The following MICAL2 variants were observed in gnomAD, a reference collection of about 807,000 sequenced individuals.
The protein encoded by MICAL2 is [F-actin]-monooxygenase MICAL2.
Under a neutral mutation model 127.3 loss-of-function variants are expected in MICAL2, and 77 were observed. The observed-to-expected ratio is 0.60, with a 90% CI of 0.50 to 0.73. The LOEUF (loss-of-function observed/expected upper bound fraction) is 0.73, where lower values mean the gene tolerates loss of function less well. MICAL2 is among the 30% of genes least tolerant of loss of function. The probability of loss-of-function intolerance (pLI) is 0.00; values close to 1 mark genes in which losing one functional copy is unlikely to be tolerated. For synonymous variants in MICAL2, 570 were observed against 551.1 expected, an observed-to-expected ratio of 1.03 and a Z score of -0.48; for missense variants, 1,351 against 1,434.4, an observed-to-expected ratio of 0.94 and a Z score of 0.94.
At chr11:12,111,906 T>G (rs1344280115) in intron 1 of MICAL2, among the ~76,000 whole-genome samples, 3 of 152,198 alleles carry the variant, frequency 2.0e-5, no homozygotes, top group Non-Finnish European at 4.4e-5. Context: ...GGTAGTCCTG[T>G]GCAATGCCCT....
intron 3 of MICAL2, among the ~76,000 whole-genome samples, chr11:12,174,352 TCCCCAC>T (rs1050953202): frequency 1.4e-4 from 21 of 146,802 alleles, no homozygotes; most frequent in African/African-American, 4.7e-4. Flanking sequence ...TCCCCTCTCC[TCCCCAC>T]CCCCACCCCC....
Position 12,236,235 on chromosome 11 carries a change from A to G in MICAL2, c.2054A>G (p.Asn685Ser). 6.2e-7 allele frequency: 1 copy of G among 1,614,172 alleles called. No individual in the cohort carries two copies. ...MNKRRRKGFT[N>S]LDEPSNFSSR... is the part of the protein sequence containing the mutation. ...AAACGGAGACGGAAGGGCTTCACCA[A>G]CCTGGACGAGGTTTGTGTACACAGT... Residue 685 changes from asparagine (N) to serine (S), a missense_variant, in exon 16 of 28, where the codon AAC (asparagine) becomes AGC (serine). Asn to Ser is a conservative substitution (Grantham distance 46). This residue lies in a region of MICAL2 where 752 missense variants were observed against 719.4 expected (regional missense o/e 1.05). Coordinates refer to ENST00000683283, the MANE Select transcript of MICAL2 (RefSeq NM_001282663.2).
Position 12,226,233 on chromosome 11 carries a change from C to T in MICAL2, c.1751C>T (p.Ala584Val), listed in dbSNP as rs758448003. Residue 584 changes from alanine (A) to valine (V), a missense_variant, in exon 14 of 28, where the codon GCC becomes GTC. This residue lies in a region of MICAL2 where 752 missense variants were observed against 719.4 expected (regional missense o/e 1.05). Transcript: ENST00000683283. Reference protein sequence around the residue: ...VENNQLAFDVAEREFGIPPVT... With the variant: ...VENNQLAFDVVEREFGIPPVT... ...AACAACCAGCTCGCATTTGATGTGGCCGAGCGAGAGTTTGGGATCCCTCCA... is the reference window on the plus strand; with the variant it reads ...AACAACCAGCTCGCATTTGATGTGGTCGAGCGAGAGTTTGGGATCCCTCCA... 3 of 1,614,224 alleles carry T rather than the reference C, an allele frequency of 1.9e-6. No individual in the cohort carries two copies. The Admixed American group carries it at 5.0e-5, about 27-fold the overall frequency.
intron 32 of MICAL2, among the ~76,000 whole-genome samples, chr11:12,339,690 G>C (rs1019478766): frequency 6.6e-6 from 1 of 152,234 alleles, no homozygotes; most frequent in Non-Finnish European, 1.5e-5. Flanking sequence ...CTGCAGGTCT[G>C]TTGGAGTTTG....
chr11:12,226,036 C>A, intron 13 of MICAL2, 135 bp from the exon 14 acceptor site: 1 of 774,256 alleles, frequency 1.3e-6, no homozygotes, highest in Non-Finnish European at 2.2e-6. Flanking sequence ...GGGCTGGGGT[C>A]ACTATTCCTC....
At chr11:12,353,465 C>G (rs1170470074) in intron 33 of MICAL2, among the ~76,000 whole-genome samples, 1 of 151,690 alleles carries the variant, frequency 6.6e-6, no homozygotes, top group East Asian at 1.9e-4. Flanking sequence ...CAAACTGTTT[C>G]TTTATCTATA....
chr11:12,225,852 TAAAAAG>T (rs79007425), intron 13 of MICAL2: 62,307 of 326,472 alleles, frequency 0.19, 8,298 homozygotes, highest in East Asian at 0.51. Context: ...CTTTTGTAAT[TAAAAAG>T]AAAAAAAGTA....
At chr11:12,313,001 C>G (rs940620240) in intron 29 of MICAL2, among the ~76,000 whole-genome samples, 1 of 151,710 alleles carries the variant, frequency 6.6e-6, no homozygotes, top group East Asian at 1.9e-4. Context: ...CCCGTCTCTA[C>G]TAAAAAAAAT....
At chr11:12,352,941 CCT>C (rs1322251510) in intron 33 of MICAL2, among the ~76,000 whole-genome samples, 1 of 152,226 alleles carries the variant, frequency 6.6e-6, no homozygotes, top group East Asian at 1.9e-4. Flanking sequence ...TGCAGCACCT[CCT>C]CTCTGCCCAG....
intron 15 of MICAL2, among the ~76,000 whole-genome samples, chr11:12,227,416 G>A (rs1216452373): frequency 6.6e-6 from 1 of 152,224 alleles, no homozygotes; most frequent in East Asian, 1.9e-4. Context: ...GATCAGCTCT[G>A]CTTCCTGAGG....
At chr11:12,323,482 C>T (rs1864323196) in intron 30 of MICAL2, among the ~76,000 whole-genome samples, 1 of 152,060 alleles carries the variant, frequency 6.6e-6, no homozygotes, top group East Asian at 1.9e-4. Flanking sequence ...GCCTACCCGT[C>T]TCTCTCTCTC....
At chr11:12,124,882 T>C (rs1382749798) in intron 1 of MICAL2, among the ~76,000 whole-genome samples, 1 of 152,236 alleles carries the variant, frequency 6.6e-6, no homozygotes, top group African/African-American at 2.4e-5. Flanking sequence ...CTTGGTCTTT[T>C]GCTAATTTCA....
chr11:12,289,405 G>A (rs185544667), downstream of MICAL2, among the ~76,000 whole-genome samples: 1 of 152,242 alleles, frequency 6.6e-6, no homozygotes, highest in Non-Finnish European at 1.5e-5. Context: ...TGGCTGGGTA[G>A]AGTGTGCAGC....
intron 2 of MICAL2, among the ~76,000 whole-genome samples, chr11:12,159,338 C>A (rs890441250): frequency 6.6e-6 from 1 of 152,186 alleles, no homozygotes; most frequent in African/African-American, 2.4e-5. Context: ...GAGGAGCTGG[C>A]AACTTGGAGA....
At chr11:12,297,382 T>C (rs1427918599) in intron 29 of MICAL2, among the ~76,000 whole-genome samples, 1 of 152,170 alleles carries the variant, frequency 6.6e-6, no homozygotes, top group Non-Finnish European at 1.5e-5. Flanking sequence ...GTTGGGTTTT[T>C]CTTAATAGTA....
At chr11:12,243,575 C>A (rs759125180) in intron 20 of MICAL2, among the ~76,000 whole-genome samples, 1 of 152,200 alleles carries the variant, frequency 6.6e-6, no homozygotes, top group Non-Finnish European at 1.5e-5. Flanking sequence ...AGGAGGCTAG[C>A]ACAGTTGCTT....
At chr11:12,281,762 G>A (rs1863774534) in intron 2 of MICAL2, among the ~76,000 whole-genome samples, 1 of 152,216 alleles carries the variant, frequency 6.6e-6, no homozygotes, top group African/African-American at 2.4e-5. Flanking sequence ...GCCAGTGCTG[G>A]TGCCACCCTC....
chr11:12,286,841 C>T (rs1863832754), intron 2 of MICAL2: 1 of 293,366 alleles, frequency 3.4e-6, no homozygotes, highest in Non-Finnish European at 6.3e-6. Context: ...CACCACTGCA[C>T]TCCAGCCTGG....
rs376438633 is a variant in MICAL2, at chr11:12,311,750, G to A, written c.5213-7946G>A. 1.1e-4 allele frequency among the ~76,000 whole-genome samples: 17 copies of A among 152,236 alleles called. No homozygotes were observed. In the South Asian group the frequency reaches 1.2e-3, roughly 11 times the overall value. On this transcript the variant is annotated intron_variant, in intron 29 of 34. Transcript: ENST00000646065. ...TATCAGGTTTTGGTATTAAGCTTAC[G>A]CTAGTCTCATAACACAACTTGAGAG...
Sources: allele counts gnomAD v4.1 joint callset (sites outside exome capture counted in the v4.1 genomes callset), GRCh38; gene constraint gnomAD v4.1.1; regional missense constraint gnomAD v4.1.1; transcripts MANE v1.5; gene names NCBI Gene and HGNC (gene_info 2026-07-23, HGNC 2026-07-21).